The following FAAH2 variants were observed in gnomAD, a reference collection of about 807,000 sequenced individuals.
The protein encoded by FAAH2 is fatty acid amide hydrolase 2.
Under a neutral mutation model 36.9 loss-of-function variants are expected in FAAH2, and 60 were observed. The observed-to-expected ratio is 1.63, with a 90% confidence interval of 1.32 to 2.02. FAAH2 has a LOEUF of 2.02. Ranked by LOEUF, FAAH2 falls within the 30% of genes most tolerant of loss-of-function variation. The probability of loss-of-function intolerance (pLI) is 0.00; values close to 1 mark genes in which losing one functional copy is unlikely to be tolerated. For missense variants in FAAH2, 689 were observed against 397.5 expected (o/e 1.73, Z -6.23); for synonymous variants, 214 against 143.8 (o/e 1.49, Z -3.49).
chrX:57,210,928 A>G, the FAAH2 span, among the ~76,000 whole-genome samples: 1 of 112,739 alleles, frequency 8.9e-6, no homozygotes, highest in African/African-American at 3.2e-5. Context: ...CAATGCATCT[A>G]AAATATGTAT....
the FAAH2 span, among the ~76,000 whole-genome samples, chrX:57,202,618 C>A: frequency 1.8e-5 from 2 of 111,465 alleles, no homozygotes; most frequent in Non-Finnish European, 3.8e-5. Flanking sequence ...TTGCCCGAGG[C>A]CTGCTGTAAC....
At chrX:57,150,969 C>A in the FAAH2 span, among the ~76,000 whole-genome samples, 1 of 112,096 alleles carries the variant, frequency 8.9e-6, no homozygotes, top group African/African-American at 3.2e-5. Context: ...GTGACAAAAT[C>A]TCTCAGCATT....
At chrX:57,418,197 C>T (rs1480174717) in intron 7 of FAAH2, among the ~76,000 whole-genome samples, 1 of 111,886 alleles carries the variant, frequency 8.9e-6, no homozygotes, top group Non-Finnish European at 1.9e-5. Context: ...AGCTAGACCA[C>T]TTGTCTGCCT....
chrX:57,138,906 A>G, the FAAH2 span, among the ~76,000 whole-genome samples: 1 of 111,764 alleles, frequency 8.9e-6, no homozygotes, highest in Admixed American at 9.5e-5. Context: ...TTTAAATCAG[A>G]TTATTTGATT....
chrX:57,255,334 T>A, the FAAH2 span, among the ~76,000 whole-genome samples: 7 of 111,917 alleles, frequency 6.3e-5, no homozygotes, highest in Non-Finnish European at 9.4e-5. Context: ...CACAGCCAAA[T>A]TCTACCAGAA....
chrX:57,416,314 C>A (rs2055840480), intron 7 of FAAH2, among the ~76,000 whole-genome samples: 1 of 111,514 alleles, frequency 9.0e-6, no homozygotes, highest in African/African-American at 3.3e-5. Flanking sequence ...GAAGTTTCTT[C>A]ATAGTATTGA....
chrX:57,282,517 C>A (rs765899379), upstream of FAAH2, among the ~76,000 whole-genome samples: 2 of 111,522 alleles, frequency 1.8e-5, no homozygotes, highest in East Asian at 5.6e-4. Flanking sequence ...CTGTTTACTC[C>A]GTTGATGGTT....
the FAAH2 span, among the ~76,000 whole-genome samples, chrX:57,223,226 C>A: frequency 9.0e-6 from 1 of 111,541 alleles, no homozygotes; most frequent in African/African-American, 3.3e-5. Context: ...CCGGATGATC[C>A]TATATCAGCT....
At chrX:57,389,243 TACACACACACATACACACGCACAC>T (rs2055102601) in intron 7 of FAAH2, among the ~76,000 whole-genome samples, 1 of 86,320 alleles carries the variant, frequency 1.2e-5, no homozygotes, top group Non-Finnish European at 2.3e-5. Flanking sequence ...TTAGTACCCT[TACACACACACATACACACGCACAC>T]ACACACACAC....
chrX:57,239,163 T>C, the FAAH2 span, among the ~76,000 whole-genome samples: 20 of 111,781 alleles, frequency 1.8e-4, no homozygotes, highest in Admixed American at 1.9e-3. Context: ...GTGGCAATGG[T>C]ACCAGGTCTT....
At chrX:57,446,407 C>T (rs1441381911) in intron 8 of FAAH2, among the ~76,000 whole-genome samples, 2 of 112,077 alleles carry the variant, frequency 1.8e-5, no homozygotes, top group Non-Finnish European at 3.8e-5. Context: ...CCTACACTTC[C>T]CTATAACAGG....
intron 7 of FAAH2, among the ~76,000 whole-genome samples, chrX:57,430,761 A>AT (rs768464731): frequency 6.3e-5 from 7 of 111,083 alleles, no homozygotes; most frequent in East Asian, 5.6e-4. Context: ...TATTAAATTT[A>AT]TTTTTTTTAG....
intron 10 of FAAH2, among the ~76,000 whole-genome samples, chrX:57,473,548 T>C (rs2057208340): frequency 1.8e-5 from 2 of 111,497 alleles, no homozygotes; most frequent in African/African-American, 3.3e-5. Flanking sequence ...GTCCATTTGA[T>C]CTATAATCCA....
intron 1 of FAAH2, chrX:57,290,142 A>G: frequency 4.0e-6 from 1 of 252,669 alleles, no homozygotes; most frequent in Non-Finnish European, 5.5e-6. Flanking sequence ...TTGGCATATA[A>G]TAAGTATTTA....
At chrX:57,261,411 G>A in the FAAH2 span, among the ~76,000 whole-genome samples, 170 of 108,713 alleles carry the variant, frequency 1.6e-3, no homozygotes, top group Non-Finnish European at 2.0e-3. Flanking sequence ...AAATTAGCTG[G>A]GCATGGTGGT....
intron 5 of FAAH2, among the ~76,000 whole-genome samples, chrX:57,347,875 T>C (rs1236478123): frequency 9.1e-6 from 1 of 110,042 alleles, no homozygotes; most frequent in Non-Finnish European, 1.9e-5. Context: ...TAGGCTGTAA[T>C]CTAGTAAATG....
chrX:57,179,259 G>T, the FAAH2 span, among the ~76,000 whole-genome samples: 1 of 111,645 alleles, frequency 9.0e-6, no homozygotes, highest in Non-Finnish European at 1.9e-5. Context: ...CAGTGTCAAA[G>T]CCACACATAT....
chrX:57,221,387 C>T, the FAAH2 span, among the ~76,000 whole-genome samples: 4 of 111,098 alleles, frequency 3.6e-5, no homozygotes, highest in Admixed American at 3.8e-4. Flanking sequence ...ACTTCCACAC[C>T]CTCAGTCGCA....
the FAAH2 span, among the ~76,000 whole-genome samples, chrX:57,225,689 C>T: frequency 1.8e-5 from 2 of 111,675 alleles, no homozygotes; most frequent in African/African-American, 6.5e-5. Flanking sequence ...TCCATTGTTT[C>T]TTTGTTGACT....
Sources: gnomAD v4.1 joint callset for allele counts (sites outside exome capture counted in the v4.1 genomes callset) on GRCh38, gnomAD v4.1.1 for gene constraint, MANE v1.5 for transcripts, NCBI Gene and HGNC (gene_info 2026-07-23, HGNC 2026-07-21) for gene names.